Variants in TMEM178B observed in about 807,000 individuals in gnomAD.
The protein encoded by TMEM178B is transmembrane protein 178B.
In TMEM178B, 5 loss-of-function variants were observed where a neutral mutation model predicts 31.0. That is an observed-to-expected ratio of 0.16 (90% CI 0.08 to 0.34). TMEM178B has a LOEUF of 0.34. TMEM178B is among the 10% of genes least tolerant of loss of function. TMEM178B has a pLI of 1.00. For synonymous variants in TMEM178B, 164 were observed against 164.0 expected, an observed-to-expected ratio of 1.00 and a Z score of 0.00; for missense variants, 275 against 400.3, an observed-to-expected ratio of 0.69 and a Z score of 2.67.
intron 1 of TMEM178B, among the ~76,000 whole-genome samples, chr7:141,170,466 C>G (rs945944354): frequency 3.9e-5 from 6 of 152,268 alleles, no homozygotes; most frequent in African/African-American, 1.4e-4. Flanking sequence ...GTGACTTAAT[C>G]TGAGTATGCC....
At chr7:141,148,464 AAGTTAT>A (rs1039812033) in intron 1 of TMEM178B, among the ~76,000 whole-genome samples, 1 of 152,102 alleles carries the variant, frequency 6.6e-6, no homozygotes, top group African/African-American at 2.4e-5. Flanking sequence ...GTAGGCAGGG[AAGTTAT>A]AGTTAGAGGA....
At chr7:141,115,642 C>T (rs1241451566) in intron 1 of TMEM178B, among the ~76,000 whole-genome samples, 8 of 152,058 alleles carry the variant, frequency 5.3e-5, no homozygotes, top group African/African-American at 9.7e-5. Context: ...AGGGATCAGG[C>T]GAATGAGGGG....
At chr7:141,504,457 G>A in the TMEM178B span, among the ~76,000 whole-genome samples, 2 of 152,162 alleles carry the variant, frequency 1.3e-5, no homozygotes, top group African/African-American at 2.4e-5. Context: ...ACGCAAATAT[G>A]TATTCTAATA....
chr7:141,304,115 T>G (rs1798772695), intron 2 of TMEM178B, among the ~76,000 whole-genome samples: 1 of 152,326 alleles, frequency 6.6e-6, no homozygotes, highest in East Asian at 1.9e-4. Context: ...CTAGGGCTGA[T>G]GAAGGAAGCT....
chr7:141,438,386 G>A (rs561326898), intron 3 of TMEM178B, among the ~76,000 whole-genome samples: 4 of 152,066 alleles, frequency 2.6e-5, no homozygotes, highest in Non-Finnish European at 2.9e-5. Context: ...AAGTAACAGT[G>A]AGTCCACTCC....
At chr7:141,385,392 G>C (rs1800414022) in intron 2 of TMEM178B, among the ~76,000 whole-genome samples, 1 of 152,166 alleles carries the variant, frequency 6.6e-6, no homozygotes, top group Non-Finnish European at 1.5e-5. Context: ...ATGTCTTTCT[G>C]TAAGCACGAT....
intron 1 of TMEM178B, among the ~76,000 whole-genome samples, chr7:141,144,220 C>T (rs144814914): frequency 3.3e-5 from 5 of 152,118 alleles, no homozygotes; most frequent in Admixed American, 6.5e-5. Flanking sequence ...CTTTCTCTTT[C>T]CTGATGGCTC....
intron 1 of TMEM178B, among the ~76,000 whole-genome samples, chr7:141,105,108 G>A (rs943979229): frequency 6.6e-6 from 1 of 152,092 alleles, no homozygotes; most frequent in African/African-American, 2.4e-5. Context: ...AGGTGGGAGA[G>A]GAAAGAGGGG....
intron 1 of TMEM178B, among the ~76,000 whole-genome samples, chr7:141,192,716 T>G (rs979800787): frequency 1.3e-5 from 2 of 152,188 alleles, no homozygotes; most frequent in Non-Finnish European, 2.9e-5. Flanking sequence ...TCCACCCAGC[T>G]CAGCCTCCCA....
intron 1 of TMEM178B, among the ~76,000 whole-genome samples, chr7:141,083,418 A>G (rs552015177): frequency 6.7e-6 from 1 of 149,376 alleles, no homozygotes; most frequent in East Asian, 2.0e-4. Flanking sequence ...TAATAGGTAC[A>G]TGGTTGAGGG....
At chr7:141,377,710 A>G (rs981334020) in intron 2 of TMEM178B, among the ~76,000 whole-genome samples, 7 of 152,164 alleles carry the variant, frequency 4.6e-5, no homozygotes, top group African/African-American at 1.7e-4. Context: ...AGAAATCACT[A>G]TAAATAAAAC....
intron 2 of TMEM178B, among the ~76,000 whole-genome samples, chr7:141,270,685 G>C (rs1250726162): frequency 6.6e-6 from 1 of 152,198 alleles, no homozygotes; most frequent in Non-Finnish European, 1.5e-5. Flanking sequence ...TACAAAGAAA[G>C]ATAAATTCTC....
chr7:141,277,283 T>G (rs1285583256), intron 2 of TMEM178B, among the ~76,000 whole-genome samples: 1 of 152,236 alleles, frequency 6.6e-6, no homozygotes, highest in Non-Finnish European at 1.5e-5. Context: ...AAGCTTTATT[T>G]TCTATTTGTA....
intron 2 of TMEM178B, among the ~76,000 whole-genome samples, chr7:141,396,190 T>G (rs1432662579): frequency 6.6e-6 from 1 of 151,750 alleles, no homozygotes; most frequent in Non-Finnish European, 1.5e-5. Flanking sequence ...AGAGTGGCAT[T>G]GTCAGGCCAG....
Position 141,203,571 on chromosome 7 carries a change from G to T in TMEM178B, c.383-9020G>T, listed in dbSNP as rs982942260. ...CACTGTGGCTGCAAAAATAACCCTTGTTCCCAGCAAATCTTCCACCCAACA... is the reference window on the plus strand; with the variant it reads ...CACTGTGGCTGCAAAAATAACCCTTTTTCCCAGCAAATCTTCCACCCAACA... On this transcript the variant is annotated intron_variant, in intron 1 of 3. Coordinates refer to ENST00000565468, the MANE Select transcript of TMEM178B (RefSeq NM_001195278.2). Among the ~76,000 whole-genome samples, 36 of 152,174 alleles carry T rather than the reference G, an allele frequency of 2.4e-4. 1 individual carries two copies. Among genetic ancestry groups the T allele is most frequent in the Admixed American group, 1.5e-3 (23 of 15,268 alleles).
chr7:141,483,976 T>A (rs1802519436), downstream of TMEM178B, among the ~76,000 whole-genome samples: 1 of 152,086 alleles, frequency 6.6e-6, no homozygotes, highest in Admixed American at 6.5e-5. Flanking sequence ...TCTCAGGTGA[T>A]CCACACGTCT....
At chr7:141,438,998 C>T (rs537578035) in intron 3 of TMEM178B, among the ~76,000 whole-genome samples, 2 of 152,240 alleles carry the variant, frequency 1.3e-5, no homozygotes, top group South Asian at 2.1e-4. Flanking sequence ...ACTCAGGTCC[C>T]TTCTGTGAGC....
At chr7:141,502,769 T>TAAA in the TMEM178B span, among the ~76,000 whole-genome samples, 29 of 146,322 alleles carry the variant, frequency 2.0e-4, no homozygotes, top group African/African-American at 5.7e-4. Flanking sequence ...AAACTCAGTC[T>TAAA]AAAAAAAAAA....
intron 2 of TMEM178B, among the ~76,000 whole-genome samples, chr7:141,319,365 G>A (rs1366788340): frequency 1.3e-5 from 2 of 152,164 alleles, no homozygotes; most frequent in Non-Finnish European, 2.9e-5. Context: ...CAATACCTGT[G>A]CCTATTTCAC....
Sources: gnomAD v4.1 joint callset for allele counts (sites outside exome capture counted in the v4.1 genomes callset) on GRCh38, gnomAD v4.1.1 for gene constraint, MANE v1.5 for transcripts, NCBI Gene and HGNC (gene_info 2026-07-23, HGNC 2026-07-21) for gene names.